Variants in VWA3B observed in about 807,000 individuals in gnomAD.
The protein encoded by VWA3B is von Willebrand factor A domain-containing protein 3B.
VWA3B carries 138 observed loss-of-function variants against 158.3 expected under a neutral mutation model. That is an observed-to-expected ratio of 0.87 (90% CI 0.76 to 1.00). The LOEUF (loss-of-function observed/expected upper bound fraction) is 1.00. VWA3B is among the 50% of genes least tolerant of loss of function. The pLI is 0.00. For missense variants in VWA3B, 1,555 were observed against 1,565.1 expected (o/e 0.99, Z 0.11); for synonymous variants, 596 against 587.3 (o/e 1.01, Z -0.21).
intron 2 of VWA3B, among the ~76,000 whole-genome samples, chr2:98,094,076 A>G (rs298915): frequency 0.36 from 54,016 of 151,996 alleles, 11,009 homozygotes; most frequent in African/African-American, 0.58. Flanking sequence ...TATCTTGGCT[A>G]TTGTGAATAG....
At chr2:98,255,342 T>A (rs1687066551) in intron 20 of VWA3B, among the ~76,000 whole-genome samples, 3 of 151,648 alleles carry the variant, frequency 2.0e-5, no homozygotes, top group South Asian at 2.1e-4. Context: ...GGAAGCAGTG[T>A]TTTTTAATGG....
intron 21 of VWA3B, among the ~76,000 whole-genome samples, chr2:98,258,873 T>G (rs968565889): frequency 6.6e-6 from 1 of 151,830 alleles, no homozygotes; most frequent in Non-Finnish European, 1.5e-5. Context: ...CAACATTGAA[T>G]AGCAGTGGTG....
At chr2:98,113,027 A>G (rs1050923562) in intron 2 of VWA3B, among the ~76,000 whole-genome samples, 14 of 151,450 alleles carry the variant, frequency 9.2e-5, no homozygotes, top group African/African-American at 3.2e-4. Flanking sequence ...TTATGATCAC[A>G]GTTTTCTTTC....
At chr2:98,123,071 T>G (rs984872055) in intron 5 of VWA3B, among the ~76,000 whole-genome samples, 1 of 151,978 alleles carries the variant, frequency 6.6e-6, no homozygotes, top group African/African-American at 2.4e-5. Context: ...TTATGAGGAG[T>G]TAAAAAACAC....
At chr2:98,210,674 G>A (rs182200770) in intron 12 of VWA3B, among the ~76,000 whole-genome samples, 1 of 152,284 alleles carries the variant, frequency 6.6e-6, no homozygotes, top group Admixed American at 6.5e-5. Flanking sequence ...GCCTTGGGTG[G>A]GGTGGGGGCT....
intron 8 of VWA3B, among the ~76,000 whole-genome samples, chr2:98,168,366 TAC>T (rs34948576): frequency 7.8e-4 from 84 of 107,716 alleles, no homozygotes; most frequent in Admixed American, 1.6e-3. Context: ...TTCAATCTAA[TAC>T]ACACACATAC....
At chr2:98,234,610 C>T in intron 16 of VWA3B, 38 bp from the exon 17 acceptor site, 1 of 1,613,250 alleles carries the variant, frequency 6.2e-7, no homozygotes, top group South Asian at 1.1e-5. Flanking sequence ...TCCTTCCATC[C>T]CCAATTCCTT....
chr2:98,263,248 C>T (rs949043559), intron 21 of VWA3B, among the ~76,000 whole-genome samples: 4 of 151,836 alleles, frequency 2.6e-5, no homozygotes, highest in Non-Finnish European at 5.9e-5. Flanking sequence ...TTGGATATTG[C>T]TCCTTTCTTT....
chr2:98,310,970 T>C (rs1468099330), intron 26 of VWA3B, among the ~76,000 whole-genome samples: 1 of 152,268 alleles, frequency 6.6e-6, no homozygotes, highest in African/African-American at 2.4e-5. Flanking sequence ...CTTTCTACTT[T>C]ATTGTTTTGT....
At position 98,234,755 on chromosome 2, in the gene VWA3B, C is replaced by T. The variant is rs1189742741; in HGVS notation, c.2416C>T (p.Leu806=). 2 of 1,614,168 alleles carry T rather than the reference C, an allele frequency of 1.2e-6. No homozygotes were observed. The change falls in exon 17 of 28, where the codon CTA becomes TTA. Residue 806 remains leucine, a synonymous_variant. Coordinates refer to ENST00000477737, the MANE Select transcript of VWA3B (RefSeq NM_144992.5). ...LSNASSRRTA[L]SDKEMSILLA... is the part of the protein sequence containing the mutation. Reference sequence around the variant, plus strand: ...CAATGCCAGCAGCCGGAGGACTGCTCTAAGTGACAAAGGCAAGCCAGAAAG... The same window carrying T: ...CAATGCCAGCAGCCGGAGGACTGCTTTAAGTGACAAAGGCAAGCCAGAAAG...
At chr2:98,309,271 T>C (rs1420780166) in intron 26 of VWA3B, among the ~76,000 whole-genome samples, 1 of 151,828 alleles carries the variant, frequency 6.6e-6, no homozygotes, top group Non-Finnish European at 1.5e-5. Flanking sequence ...GAAAGCAAAA[T>C]AGGACTCAGC....
intron 1 of VWA3B, among the ~76,000 whole-genome samples, chr2:98,092,427 G>A (rs898422636): frequency 2.0e-5 from 3 of 152,130 alleles, no homozygotes; most frequent in African/African-American, 7.2e-5. Context: ...GGCGGATCAC[G>A]AGGTCAGCAG....
At chr2:98,163,727 C>T (rs1228828963) in intron 8 of VWA3B, among the ~76,000 whole-genome samples, 12 of 152,084 alleles carry the variant, frequency 7.9e-5, no homozygotes, top group Non-Finnish European at 1.3e-4. Flanking sequence ...ATGTTAAGGG[C>T]AGGGGGGCTT....
chr2:98,226,284 A>T (rs1684909394), intron 14 of VWA3B, among the ~76,000 whole-genome samples: 1 of 152,234 alleles, frequency 6.6e-6, no homozygotes, highest in South Asian at 2.1e-4. Flanking sequence ...AACATGCTCG[A>T]CTGATTTTTG....
intron 7 of VWA3B, among the ~76,000 whole-genome samples, chr2:98,150,549 G>A (rs1677538129): frequency 6.6e-6 from 1 of 152,218 alleles, no homozygotes; most frequent in Admixed American, 6.5e-5. Context: ...TGATGGTGGT[G>A]CCTGCCCACT....
intron 12 of VWA3B, among the ~76,000 whole-genome samples, chr2:98,203,107 A>AG (rs1233990447): frequency 6.6e-6 from 1 of 152,238 alleles, no homozygotes; most frequent in Non-Finnish European, 1.5e-5. Context: ...CTGGGATTAC[A>AG]GGCGTGAGCC....
intron 16 of VWA3B, among the ~76,000 whole-genome samples, chr2:98,232,000 G>A (rs1685368291): frequency 6.6e-6 from 1 of 152,066 alleles, no homozygotes; most frequent in Non-Finnish European, 1.5e-5. Flanking sequence ...TTGGTATCAA[G>A]CTAATAGTGT....
chr2:98,320,080 A>T, the VWA3B span, among the ~76,000 whole-genome samples: 1 of 152,250 alleles, frequency 6.6e-6, no homozygotes, highest in Non-Finnish European at 1.5e-5. Flanking sequence ...CCCATGTGTC[A>T]TGGGAGGGGC....
At chr2:98,235,368 C>T (rs757638110) in intron 17 of VWA3B, among the ~76,000 whole-genome samples, 5 of 151,878 alleles carry the variant, frequency 3.3e-5, no homozygotes, top group Admixed American at 6.6e-5. Flanking sequence ...GCTACACAGT[C>T]ATAGTTTAAT....
Sources: allele counts gnomAD v4.1 joint callset (sites outside exome capture counted in the v4.1 genomes callset), GRCh38; gene constraint gnomAD v4.1.1; transcripts MANE v1.5; gene names NCBI Gene and HGNC (gene_info 2026-07-23, HGNC 2026-07-21).